DACH2: variants seen among roughly 807,000 people sequenced by gnomAD.
The protein encoded by DACH2 is dachshund homolog 2.
In DACH2, 17 loss-of-function variants were observed where a neutral mutation model predicts 35.8. That is an observed-to-expected ratio of 0.48 (90% confidence interval 0.33 to 0.71). DACH2 has a LOEUF of 0.71. DACH2 is among the 30% of genes least tolerant of loss of function. The pLI is 0.02. For synonymous variants in DACH2, 195 were observed against 177.3 expected (o/e 1.10, Z -0.79); for missense variants, 469 against 472.7 (o/e 0.99, Z 0.07).
chrX:86,556,795 T>G (rs5922262), intron 3 of DACH2, among the ~76,000 whole-genome samples: 5,772 of 23,802 alleles, frequency 0.24, 695 homozygotes, highest in Non-Finnish European at 0.26. Flanking sequence ...TATATATATA[T>G]AGAGAGAGAG....
intron 11 of DACH2, among the ~76,000 whole-genome samples, chrX:86,823,100 G>T (rs924656135): frequency 9.0e-6 from 1 of 110,539 alleles, no homozygotes; most frequent in Non-Finnish European, 1.9e-5. Flanking sequence ...TTACAGGTGT[G>T]GGCCACCACA....
chrX:86,430,875 C>T (rs779565737), intron 2 of DACH2, among the ~76,000 whole-genome samples: 41 of 111,561 alleles, frequency 3.7e-4, no homozygotes, highest in Non-Finnish European at 6.2e-4. Flanking sequence ...TTGTAAGATG[C>T]TGAAGTATTA....
At chrX:86,608,313 T>C (rs2039886585) in intron 3 of DACH2, among the ~76,000 whole-genome samples, 1 of 111,593 alleles carries the variant, frequency 9.0e-6, no homozygotes, top group South Asian at 3.8e-4. Flanking sequence ...TTTTACACTG[T>C]TGGTGGGACT....
chrX:86,460,295 C>A (rs973056970), intron 2 of DACH2, among the ~76,000 whole-genome samples: 12 of 110,842 alleles, frequency 1.1e-4, no homozygotes, highest in African/African-American at 3.9e-4. Context: ...TATAAGAATA[C>A]TACATTTCAA....
At chrX:86,411,527 A>C (rs1352064106) in intron 2 of DACH2, among the ~76,000 whole-genome samples, 1 of 110,940 alleles carries the variant, frequency 9.0e-6, no homozygotes, top group Non-Finnish European at 1.9e-5. Context: ...ATTACACCTA[A>C]CATCATATGA....
chrX:86,799,719 T>C (rs1398253363), intron 7 of DACH2, among the ~76,000 whole-genome samples: 1 of 112,460 alleles, frequency 8.9e-6, no homozygotes. Flanking sequence ...CTTGAAACAT[T>C]AAGTAAATTC....
intron 1 of DACH2, among the ~76,000 whole-genome samples, chrX:86,194,461 G>A (rs1245237984): frequency 1.8e-5 from 2 of 111,844 alleles, no homozygotes; most frequent in African/African-American, 3.2e-5. Context: ...CACTGAGAAC[G>A]GACAGAGGGA....
intron 4 of DACH2, among the ~76,000 whole-genome samples, chrX:86,665,534 T>C (rs2040657448): frequency 8.9e-6 from 1 of 112,055 alleles, no homozygotes; most frequent in Non-Finnish European, 1.9e-5. Flanking sequence ...CCTCTCTGCA[T>C]TTATAAGTGT....
chrX:86,211,724 GA>G (rs1309218738), intron 1 of DACH2, among the ~76,000 whole-genome samples: 2 of 111,721 alleles, frequency 1.8e-5, no homozygotes, highest in Admixed American at 1.9e-4. Flanking sequence ...GGTTGATCTG[GA>G]AATCCTAAGT....
intron 2 of DACH2, among the ~76,000 whole-genome samples, chrX:86,445,179 G>A (rs893096771): frequency 1.8e-5 from 2 of 109,648 alleles, no homozygotes; most frequent in African/African-American, 3.3e-5. Flanking sequence ...TGCTTTTGAT[G>A]TATCCCATAG....
At chrX:86,195,139 G>A (rs2031943647) in intron 1 of DACH2, among the ~76,000 whole-genome samples, 1 of 112,726 alleles carries the variant, frequency 8.9e-6, no homozygotes, top group African/African-American at 3.2e-5. Flanking sequence ...TGTACAGGCG[G>A]GTTTTGGTTT....
chrX:86,698,521 G>GTGTTTTTTT (rs2041096546), intron 5 of DACH2, among the ~76,000 whole-genome samples: 7 of 32,956 alleles, frequency 2.1e-4, no homozygotes, highest in African/African-American at 1.0e-3. Context: ...TTAGTTTTGT[G>GTGTTTTTTT]TTTTTTTTTT....
intron 4 of DACH2, among the ~76,000 whole-genome samples, chrX:86,685,128 C>T (rs534470366): frequency 2.7e-5 from 3 of 111,664 alleles, no homozygotes; most frequent in African/African-American, 6.5e-5. Context: ...ATCTCTTCTC[C>T]TGTGCTTGCA....
At chrX:86,325,125 T>C (rs2035090624) in intron 1 of DACH2, among the ~76,000 whole-genome samples, 1 of 112,003 alleles carries the variant, frequency 8.9e-6, no homozygotes, top group South Asian at 3.7e-4. Context: ...TTTATTGTGA[T>C]ATTTACTTTT....
At chrX:86,472,651 G>A (rs1189944057) in intron 2 of DACH2, among the ~76,000 whole-genome samples, 1 of 111,988 alleles carries the variant, frequency 8.9e-6, no homozygotes, top group Non-Finnish European at 1.9e-5. Flanking sequence ...TTAATTAGTT[G>A]ATGAGTACCA....
At chrX:86,785,597 T>C (rs773244254) in intron 7 of DACH2, among the ~76,000 whole-genome samples, 7 of 111,667 alleles carry the variant, frequency 6.3e-5, no homozygotes, top group Non-Finnish European at 1.1e-4. Context: ...CACAAGAAAG[T>C]CAAGTAAGTA....
chrX:86,422,673 T>C (rs375806402), intron 2 of DACH2, among the ~76,000 whole-genome samples: 1 of 111,382 alleles, frequency 9.0e-6, no homozygotes, highest in Non-Finnish European at 1.9e-5. Context: ...TGAGTTACAA[T>C]CCAATTACAC....
chrX:86,302,700 A>G (rs190306038), intron 1 of DACH2, among the ~76,000 whole-genome samples: 18 of 110,163 alleles, frequency 1.6e-4, no homozygotes, highest in African/African-American at 5.3e-4. Context: ...TGTATTATTT[A>G]TATATCTATA....
intron 2 of DACH2, among the ~76,000 whole-genome samples, chrX:86,473,857 G>A (rs372604874): frequency 9.3e-6 from 1 of 107,579 alleles, no homozygotes. Context: ...TTGGTTTACC[G>A]ATTTCCTTTC....
Sources: allele counts gnomAD v4.1 joint callset (sites outside exome capture counted in the v4.1 genomes callset), GRCh38; gene constraint gnomAD v4.1.1; transcripts MANE v1.5; gene names NCBI Gene and HGNC (gene_info 2026-07-23, HGNC 2026-07-21).